Variants in MGAM2 observed in about 807,000 individuals in gnomAD.
The protein encoded by MGAM2 is probable maltase-glucoamylase 2.
MGAM2 carries 98 observed loss-of-function variants against 96.1 expected under a neutral mutation model. That is an observed-to-expected ratio of 1.02 (90% confidence interval 0.87 to 1.21). The LOEUF is 1.21. Among genes scored for constraint, MGAM2 ranks in the 50% most tolerant of loss-of-function variants. The pLI is 0.00. For missense variants in MGAM2, 2,055 were observed against 1,182.4 expected, an observed-to-expected ratio of 1.74 and a Z score of -10.82; for synonymous variants, 749 against 414.8, an observed-to-expected ratio of 1.81 and a Z score of -9.79.
chr7:142,128,916 CT>C (rs35614075), intron 3 of MGAM2, among the ~76,000 whole-genome samples: 40,854 of 152,094 alleles, frequency 0.27, 5,720 homozygotes, highest in East Asian at 0.36. Flanking sequence ...AAGAGGGCCA[CT>C]GTCCTCCAGC....
At position 142,219,910 on chromosome 7, in the gene MGAM2, A is replaced by G. The variant is rs1797867228; in HGVS notation, c.5399A>G (p.Glu1800Gly). Reference protein sequence around the residue: ...IQLTDKTINLEKLTEVTWIDG... With the variant: ...IQLTDKTINLGKLTEVTWIDG... ...TTGACTGACAAGACTATCAACCTGG[A>G]AAAGTTAACTGAGGTTACTTGGATT... is the stretch of plus-strand genomic sequence containing the variant. The change falls in exon 48 of 48, where the codon GAA (glutamate) becomes GGA (glycine). Residue 1800 changes from glutamate (E) to glycine (G), a missense_variant. Physicochemically the swap from Glu to Gly is moderately conservative, Grantham distance 98. Coordinates refer to ENST00000477922, the MANE Select transcript of MGAM2 (RefSeq NM_001293626.2). 1 of 702,466 alleles carries G rather than the reference A, an allele frequency of 1.4e-6. No individual in the cohort carries two copies. 43.5% of individuals were successfully genotyped at this position (702,466 alleles called of 1,614,324 possible). A position where few individuals can be genotyped will look rare whatever the true frequency, so the allele number is the denominator to read the frequency against.
rs1173773698 is a variant in MGAM2, at chr7:142,167,504, G to A, written c.3027+18G>A. The stretch of plus-strand genomic sequence containing the variant: ...AGGTCAAGGTAAGGCCCATGTTGCA[G>A]ATTCTGGTTCTCAAGATGGAGTTTT... On this transcript the variant is annotated intron_variant, in intron 26 of 47. Coordinates refer to ENST00000477922, the MANE Select transcript of MGAM2 (RefSeq NM_001293626.2). The A allele has an allele frequency of 1.4e-6, 1 of 702,944 alleles. No individual in the cohort carries two copies. Among genetic ancestry groups the A allele is most frequent in the Admixed American group, 2.0e-5 (1 of 50,010 alleles). 43.5% of individuals were successfully genotyped at this position (702,944 alleles called of 1,614,324 possible).
intron 1 of MGAM2, among the ~76,000 whole-genome samples, chr7:142,114,153 G>GGAAAGAAAGAAAGAAAGAAAGAAAGAAA (rs772126693): frequency 1.4e-4 from 12 of 87,038 alleles, no homozygotes; most frequent in East Asian, 6.5e-4. Flanking sequence ...AAAGAAAGAA[G>GGAAAGAAAGAAAGAAAGAAAGAAAGAAA]GAAAGAAAGA....
chr7:142,171,167 T>G (rs923487138), intron 27 of MGAM2, 105 bp from the exon 28 acceptor site: 3 of 696,132 alleles, frequency 4.3e-6, no homozygotes, highest in Non-Finnish European at 7.9e-6. Context: ...GATCTAAATG[T>G]GCAATAATTA....
In MGAM2 at chr7:142,144,768, C is replaced by T. The variant is rs79262303; in HGVS notation, c.1432-93C>T. On this transcript the variant is annotated intron_variant, in intron 13 of 47. Coordinates refer to ENST00000477922, the MANE Select transcript of MGAM2 (RefSeq NM_001293626.2). ...TCCAAAAAGCAGTTGATAAGGGACC[C>T]AGATATCCTGGCTCCTAGTTCAGTA... 7.1e-4 allele frequency: 418 copies of T among 587,474 alleles called. 4 individuals are homozygous for T. The highest frequency in any genetic ancestry group is 6.9e-3 in the African/African-American group (367 of 52,822). 36.4% of individuals were successfully genotyped at this position (587,474 alleles called of 1,614,324 possible). A position where few individuals can be genotyped will look rare whatever the true frequency, so the allele number is the denominator to read the frequency against.
At chr7:142,212,751 C>T (rs951901745) in intron 46 of MGAM2, among the ~76,000 whole-genome samples, 3 of 152,030 alleles carry the variant, frequency 2.0e-5, no homozygotes, top group Non-Finnish European at 4.4e-5. Flanking sequence ...ATTTTAACAC[C>T]CACTGTCAAT....
intron 10 of MGAM2, among the ~76,000 whole-genome samples, chr7:142,138,961 T>G (rs952343235): frequency 6.6e-6 from 1 of 152,214 alleles, no homozygotes; most frequent in African/African-American, 2.4e-5. Flanking sequence ...AGAATGAGGA[T>G]GTAAGACTTA....
At chr7:142,177,084 T>G in intron 32 of MGAM2, among the ~76,000 whole-genome samples, 1 of 152,046 alleles carries the variant, frequency 6.6e-6, no homozygotes, top group South Asian at 2.1e-4. Context: ...AATGCTGAGG[T>G]TTGGAGTATG....
chr7:142,197,611 G>A (rs1350415071), intron 41 of MGAM2, 33 bp from the exon 42 acceptor site: 2 of 703,024 alleles, frequency 2.8e-6, no homozygotes, highest in South Asian at 3.0e-5. Context: ...GTCATAAGAG[G>A]ATAGGTGAAT....
rs1246950360 is a variant in MGAM2 at position 142,148,787 on chromosome 7, TA to T, written c.1634+1215del. Among the ~76,000 whole-genome samples, 2 of 152,302 alleles carry T rather than the reference TA, an allele frequency of 1.3e-5. No homozygotes were observed. Among genetic ancestry groups the T allele is most frequent in the East Asian group, 3.9e-4 (2 of 5,180 alleles). On this transcript the variant is annotated intron_variant, in intron 15 of 47. Coordinates refer to ENST00000477922, the MANE Select transcript of MGAM2 (RefSeq NM_001293626.2). This position sits in a 1 kb window ranked among gnomAD's most constrained non-coding sequence, Gnocchi z 4.2. Reference sequence around the variant, plus strand: ...TTCTTTCCCCCTGTTTTGGTGTTTCTAGAGCACTGTTGTGCTCTACAAGACA... The same window carrying T: ...TTCTTTCCCCCTGTTTTGGTGTTTCTGAGCACTGTTGTGCTCTACAAGACA...
At chr7:142,152,997 T>C (rs2129084176) in intron 15 of MGAM2, among the ~76,000 whole-genome samples, 1 of 149,612 alleles carries the variant, frequency 6.7e-6, no homozygotes, top group East Asian at 2.0e-4. Flanking sequence ...TATTCCTTTT[T>C]TTTTTTTTTT....
intron 35 of MGAM2, among the ~76,000 whole-genome samples, chr7:142,187,218 A>G (rs2129096414): frequency 6.6e-6 from 1 of 152,386 alleles, no homozygotes. Context: ...TTTTAGAAAT[A>G]TATTTATAGC....
intron 35 of MGAM2, among the ~76,000 whole-genome samples, chr7:142,187,498 G>A (rs1796734893): frequency 6.6e-6 from 1 of 152,184 alleles, no homozygotes; most frequent in Non-Finnish European, 1.5e-5. Flanking sequence ...GTTTTAAAAT[G>A]CCAGGTAAGC....
intron 15 of MGAM2, among the ~76,000 whole-genome samples, chr7:142,151,240 C>A (rs1396567797): frequency 6.6e-6 from 1 of 152,158 alleles, no homozygotes; most frequent in Admixed American, 6.5e-5. Flanking sequence ...CAGGACCCAG[C>A]ACCTAGGGGA....
Position 142,198,467 on chromosome 7 carries a change from T to A in MGAM2, c.4924-148T>A, listed in dbSNP as rs532363393. Reference sequence around the variant, plus strand: ...CTAGATTTTCAGTCTTAAGCAAAACTGAAAGATCAGAGATTTTCTCTTTAG... The same window carrying A: ...CTAGATTTTCAGTCTTAAGCAAAACAGAAAGATCAGAGATTTTCTCTTTAG... On this transcript the variant is annotated intron_variant, in intron 43 of 47. Coordinates refer to ENST00000477922, the MANE Select transcript of MGAM2 (RefSeq NM_001293626.2). 81 of 590,880 alleles carry A rather than the reference T, an allele frequency of 1.4e-4. No individual in the cohort carries two copies. In the East Asian group the frequency reaches 2.1e-3, roughly 15 times the overall value. The allele number at this position is 590,880 out of a possible 1,614,324, so 36.6% of individuals were successfully genotyped here. A position where few individuals can be genotyped will look rare whatever the true frequency, so the allele number is the denominator to read the frequency against.
Position 142,196,200 on chromosome 7 carries a change from TC to T in MGAM2, c.4395del (p.Thr1466HisfsTer30). On this transcript the variant is annotated frameshift_variant, in exon 38 of 48. Transcript: ENST00000477922. LOFTEE classifies it high-confidence loss of function. ...ACAGCGAGGGGTCATCATCACCCGC[TC>T]CACATTTCCCTCTTCTGGACGCTGG... is the stretch of plus-strand genomic sequence containing the variant. ...TGQRGVIITR[S>X]TFPSSGRWGG... is the part of the protein sequence containing the mutation. The T allele has an allele frequency of 1.7e-6, 2 of 1,190,686 alleles. No homozygotes were observed. Among genetic ancestry groups the T allele is most frequent in the Non-Finnish European group, 2.5e-6 (2 of 815,656 alleles). 73.8% of individuals were successfully genotyped at this position (1,190,686 alleles called of 1,614,324 possible). A position where few individuals can be genotyped will look rare whatever the true frequency, so the allele number is the denominator to read the frequency against.
chr7:142,148,237 C>T lies in MGAM2; in HGVS notation c.1634+664C>T, dbSNP rs982861107. On this transcript the variant is annotated intron_variant, in intron 15 of 47. Coordinates refer to ENST00000477922, the MANE Select transcript of MGAM2 (RefSeq NM_001293626.2). The surrounding 1 kb of genome is among the most constrained non-coding windows in gnomAD (Gnocchi z 4.2). ...ATCACTACCACTACTATCACCATCACCACCACCACAGTTATCACCACCATC... is the reference window on the plus strand; with the variant it reads ...ATCACTACCACTACTATCACCATCATCACCACCACAGTTATCACCACCATC... Among the ~76,000 whole-genome samples the T allele has an allele frequency of 1.3e-5, 2 of 151,784 alleles. No individual in the cohort carries two copies. The highest frequency in any genetic ancestry group is 4.8e-5 in the African/African-American group (2 of 41,288).
chr7:142,118,127 G>A (rs1585137189), intron 2 of MGAM2, among the ~76,000 whole-genome samples: 1 of 149,970 alleles, frequency 6.7e-6, no homozygotes, highest in African/African-American at 2.5e-5. Context: ...TATTCATCTC[G>A]CATAACTGAA....
chr7:142,158,208 A>G (rs778172347), intron 18 of MGAM2, 40 bp from the exon 19 acceptor site: 1 of 702,698 alleles, frequency 1.4e-6, no homozygotes, highest in Non-Finnish European at 2.6e-6. Context: ...GTCCTGTATT[A>G]GAGACTTCAC....
Sources: allele counts gnomAD v4.1 joint callset (sites outside exome capture counted in the v4.1 genomes callset), GRCh38; gene constraint gnomAD v4.1.1; non-coding constraint Gnocchi (gnomAD v3.1); transcripts MANE v1.5; gene names NCBI Gene and HGNC (gene_info 2026-07-23, HGNC 2026-07-21).